UXS1: variants seen among roughly 807,000 people sequenced by gnomAD.
The protein encoded by UXS1 is UDP-glucuronic acid decarboxylase 1.
A neutral mutation model predicts 62.6 loss-of-function variants in UXS1; 33 were observed. The observed-to-expected ratio is 0.53, with a 90% confidence interval of 0.40 to 0.70. The LOEUF is 0.70. UXS1 is among the 30% of genes least tolerant of loss of function. The probability of loss-of-function intolerance (pLI) is 0.00; values close to 1 mark genes in which losing one functional copy is unlikely to be tolerated. For synonymous variants in UXS1, 213 were observed against 206.8 expected (o/e 1.03, Z -0.26); for missense variants, 434 against 556.3 (o/e 0.78, Z 2.21).
intron 1 of UXS1, among the ~76,000 whole-genome samples, chr2:106,173,203 T>C (rs1683671092): frequency 6.6e-6 from 1 of 152,176 alleles, no homozygotes; most frequent in South Asian, 2.1e-4. Flanking sequence ...TCCCTAAATA[T>C]TTGCTGAAAG....
chr2:106,193,181 G>T (rs919402575), intron 1 of UXS1, among the ~76,000 whole-genome samples: 2 of 152,042 alleles, frequency 1.3e-5, no homozygotes, highest in Non-Finnish European at 2.9e-5. Context: ...CTTCAGACAA[G>T]TGAAGTACCC....
chr2:106,194,207 G>A lies in UXS1; in HGVS notation c.35C>T (p.Ala12Val), dbSNP rs1287777183. The change falls in exon 1 of 15, where the codon GCC becomes GTC. Residue 12 changes from alanine (A) to valine (V), a missense_variant. Physicochemically the swap from Ala to Val is moderately conservative, Grantham distance 64. Coordinates refer to ENST00000283148, the MANE Select transcript of UXS1 (RefSeq NM_001253875.2). ...CAGCTTCATCCTCCTGCGGTTGACG[G>A]CAGACACGAGGCGCAGCAGCGCCTT... is the stretch of plus-strand genomic sequence containing the variant. ...VSKALLRLVS[A>V]VNRRRMKLLL... is the part of the protein sequence containing the mutation. The A allele has an allele frequency of 1.6e-5, 23 of 1,470,054 alleles. No individual in the cohort carries two copies. Among genetic ancestry groups the A allele is most frequent in the Non-Finnish European group, 1.8e-5 (20 of 1,108,204 alleles). The allele number at this position is 1,470,054 out of a possible 1,614,324, so 91.1% of individuals were successfully genotyped here.
intron 8 of UXS1, 116 bp downstream of exon 8, chr2:106,125,504 A>C (rs905451017): frequency 4.0e-6 from 4 of 1,002,594 alleles, no homozygotes; most frequent in Non-Finnish European, 5.4e-6. Flanking sequence ...TCCTGTGCAC[A>C]AGAGGAGCAT....
Position 106,149,490 on chromosome 2 carries a change from G to C in UXS1, c.292-4120C>G, listed in dbSNP as rs141229917. Reference sequence around the variant, plus strand: ...TTATCGTGGAAGTGTGTTCCACATAGAAGCACGAGTTCAGTCCCTTTGGTC... The same window carrying C: ...TTATCGTGGAAGTGTGTTCCACATACAAGCACGAGTTCAGTCCCTTTGGTC... On this transcript the variant is annotated intron_variant, in intron 5 of 14. Coordinates refer to ENST00000283148, the MANE Select transcript of UXS1 (RefSeq NM_001253875.2). Among the ~76,000 whole-genome samples, 420 of 152,280 alleles carry C rather than the reference G, an allele frequency of 2.8e-3. 1 individual carries two copies. The highest frequency in any genetic ancestry group is 9.5e-3 in the African/African-American group (396 of 41,554).
intron 3 of UXS1, among the ~76,000 whole-genome samples, chr2:106,164,293 T>C (rs765670531): frequency 2.6e-5 from 4 of 152,176 alleles, no homozygotes; most frequent in Admixed American, 1.3e-4. Flanking sequence ...TCTACATGTA[T>C]TTAAATAGGA....
intron 9 of UXS1, among the ~76,000 whole-genome samples, chr2:106,115,784 T>C (rs922529212): frequency 6.6e-6 from 1 of 152,200 alleles, no homozygotes. Context: ...ACTGAAACTA[T>C]TTTGAAAACT....
At chr2:106,189,925 C>G (rs1260951063) in intron 1 of UXS1, among the ~76,000 whole-genome samples, 2 of 152,196 alleles carry the variant, frequency 1.3e-5, no homozygotes, top group African/African-American at 4.8e-5. Flanking sequence ...AAGAGGAAGT[C>G]AGGAAACAGA....
chr2:106,113,701 A>C (rs1678818767), intron 9 of UXS1, among the ~76,000 whole-genome samples: 1 of 152,238 alleles, frequency 6.6e-6, no homozygotes, highest in East Asian at 1.9e-4. Flanking sequence ...CTGCAGAACA[A>C]ACGTGCACTT....
chr2:106,101,171 C>A, intron 11 of UXS1, 53 bp from the exon 12 acceptor site: 1 of 1,593,110 alleles, frequency 6.3e-7, no homozygotes, highest in Non-Finnish European at 8.6e-7. Context: ...TATGCTAGTG[C>A]CACGCACCAC....
At chr2:106,127,972 C>A (rs1039799623) in intron 7 of UXS1, among the ~76,000 whole-genome samples, 5 of 152,176 alleles carry the variant, frequency 3.3e-5, no homozygotes, top group Middle Eastern at 3.2e-3. Flanking sequence ...CGTTCAGCAG[C>A]CCCCAACCCC....
intron 4 of UXS1, chr2:106,160,078 G>T (rs1260266573): frequency 6.6e-6 from 1 of 152,272 alleles, no homozygotes; most frequent in Non-Finnish European, 1.5e-5. Context: ...GCAGGAGCAA[G>T]TTCTGCCTTC....
intron 9 of UXS1, among the ~76,000 whole-genome samples, chr2:106,117,551 T>A (rs546307517): frequency 8.9e-4 from 136 of 152,302 alleles, no homozygotes; most frequent in African/African-American, 3.2e-3. Flanking sequence ...ATCACTATAT[T>A]CGCTGACGGA....
At position 106,166,100 on chromosome 2, in the gene UXS1, A is replaced by G; in HGVS notation, c.95-17T>C. ...CCCAAACAGCTGTAAGAGAAAGAAA[A>G]AAGGAAGTCAATGTTTAAGTCCACA... On this transcript the variant is annotated splice_polypyrimidine_tract_variant and intron_variant, in intron 1 of 14. Coordinates refer to ENST00000283148, the MANE Select transcript of UXS1 (RefSeq NM_001253875.2). 2.5e-6 allele frequency: 4 copies of G among 1,609,424 alleles called. No homozygotes were observed. Among genetic ancestry groups the G allele is most frequent in the Middle Eastern group, 1.7e-4 (1 of 6,052 alleles).
intron 6 of UXS1, among the ~76,000 whole-genome samples, chr2:106,131,042 TGTGCGCGCACC>T (rs1321346225): frequency 2.7e-5 from 4 of 150,566 alleles, no homozygotes; most frequent in Non-Finnish European, 5.9e-5. Flanking sequence ...CAGGCCAGTG[TGTGCGCGCACC>T]GTGCGCGAGC....
At chr2:106,118,487 G>A (rs1022703405) in intron 9 of UXS1, among the ~76,000 whole-genome samples, 1 of 152,102 alleles carries the variant, frequency 6.6e-6, no homozygotes, top group Non-Finnish European at 1.5e-5. Flanking sequence ...AGCACTGACC[G>A]CAGCCTACGG....
intron 1 of UXS1, among the ~76,000 whole-genome samples, chr2:106,183,166 G>T (rs1319629208): frequency 1.3e-5 from 2 of 149,904 alleles, no homozygotes; most frequent in African/African-American, 4.9e-5. Flanking sequence ...TCTTTCCCTT[G>T]GTTACAACCA....
chr2:106,107,809 A>C (rs551012544), intron 10 of UXS1, among the ~76,000 whole-genome samples: 1 of 152,200 alleles, frequency 6.6e-6, no homozygotes, highest in South Asian at 2.1e-4. Context: ...CACCGACACA[A>C]GGTTCATCTG....
At chr2:106,144,059 G>A (rs1681364179) in intron 6 of UXS1, among the ~76,000 whole-genome samples, 2 of 152,224 alleles carry the variant, frequency 1.3e-5, no homozygotes, top group Admixed American at 1.3e-4. Flanking sequence ...ATCTTGGGTT[G>A]AACAATGGGA....
chr2:106,169,502 G>A (rs1215492477), intron 1 of UXS1, among the ~76,000 whole-genome samples: 2 of 152,070 alleles, frequency 1.3e-5, no homozygotes, highest in Non-Finnish European at 2.9e-5. Flanking sequence ...TTTGAGGCCG[G>A]CCTGCGCAAA....
Sources: allele counts gnomAD v4.1 joint callset (sites outside exome capture counted in the v4.1 genomes callset), GRCh38; gene constraint gnomAD v4.1.1; transcripts MANE v1.5; gene names NCBI Gene and HGNC (gene_info 2026-07-23, HGNC 2026-07-21).